The following NLRC5 variants were observed in gnomAD, a reference collection of about 807,000 sequenced individuals.
The protein encoded by NLRC5 is NLR family CARD domain containing 5.
Under a neutral mutation model 206.9 loss-of-function variants are expected in NLRC5, and 114 were observed. The observed-to-expected ratio is 0.55, with a 90% confidence interval of 0.47 to 0.64. NLRC5 has a LOEUF of 0.64. NLRC5 is among the 30% of genes least tolerant of loss of function. NLRC5 has a pLI of 0.00. For synonymous variants in NLRC5, 952 were observed against 962.8 expected (o/e 0.99, Z 0.21); for missense variants, 2,008 against 2,305.5 (o/e 0.87, Z 2.64).
intron 1 of NLRC5, among the ~76,000 whole-genome samples, chr16:57,006,842 T>C (rs2058964729): frequency 6.6e-6 from 1 of 151,488 alleles, no homozygotes; most frequent in East Asian, 1.9e-4. Context: ...AATATTCATG[T>C]ATTTGTATAC....
At chr16:57,051,675 C>G (rs371576119) in intron 24 of NLRC5, 54 bp downstream of exon 24, 1 of 1,441,816 alleles carries the variant, frequency 6.9e-7, no homozygotes, top group Middle Eastern at 1.7e-4. Flanking sequence ...GTTTCTAAGG[C>G]TCCTCCATGG....
At chr16:56,996,093 T>G (rs1235791372) in intron 1 of NLRC5, among the ~76,000 whole-genome samples, 1 of 152,210 alleles carries the variant, frequency 6.6e-6, no homozygotes, top group East Asian at 1.9e-4. Context: ...AGGCCTCCGG[T>G]CAGAGCCCTG....
rs552994811 is a variant in NLRC5 at position 57,051,096 on chromosome 16, TG to T, written c.3423-441del. On this transcript the variant is annotated intron_variant, in intron 23 of 48. Coordinates refer to ENST00000688547, the MANE Select transcript of NLRC5 (RefSeq NM_001384950.1). ...CTGGTCCCAGACTCCTGACCTCAGATGATCCACCCACCTCAGCCTCCCAAAG... is the reference window on the plus strand; with the variant it reads ...CTGGTCCCAGACTCCTGACCTCAGATATCCACCCACCTCAGCCTCCCAAAG... Among the ~76,000 whole-genome samples the T allele has an allele frequency of 3.9e-4, 59 of 152,286 alleles. No homozygotes were observed. In the East Asian group the frequency reaches 0.011, roughly 27 times the overall value.
Position 57,025,960 on chromosome 16 carries a change from C to T in NLRC5, c.1017C>T (p.Gly339=). 1.9e-6 allele frequency: 3 copies of T among 1,614,128 alleles called. No individual in the cohort carries two copies. The highest frequency in any genetic ancestry group is 2.5e-6 in the Non-Finnish European group (3 of 1,180,038). The stretch of plus-strand genomic sequence containing the variant: ...TCTGCAATGGGACCCTCCTGCCTGG[C>T]TGCCGGGTGATGGCTACCTCCCGTC... ...SHLCNGTLLP[G]CRVMATSRPG... is the part of the protein sequence containing the mutation. Residue 339 remains glycine (G), a synonymous_variant, in exon 6 of 49, where the codon GGC becomes GGT. Coordinates refer to ENST00000688547, the MANE Select transcript of NLRC5 (RefSeq NM_001384950.1).
At chr16:56,998,040 A>G (rs2057826412) in intron 1 of NLRC5, among the ~76,000 whole-genome samples, 1 of 152,128 alleles carries the variant, frequency 6.6e-6, no homozygotes, top group African/African-American at 2.4e-5. Flanking sequence ...ACCCAAAACC[A>G]AGGCTCTAGC....
chr16:57,026,368 C>T lies in NLRC5; in HGVS notation c.1425C>T (p.Phe475=). The change falls in exon 6 of 49, where the codon TTC becomes TTT. Residue 475 remains phenylalanine, a synonymous_variant. Coordinates refer to ENST00000688547, the MANE Select transcript of NLRC5 (RefSeq NM_001384950.1). ...GCCTGGAGACAGGGAAGGTTATCTT[C>T]TATGCAAAAGATATTGCTCCACCCT... ...LRGLETGKVI[F]YAKDIAPPLI... is the part of the protein sequence containing the mutation. 2 of 1,614,006 alleles carry T rather than the reference C, an allele frequency of 1.2e-6. No individual in the cohort carries two copies. Among genetic ancestry groups the T allele is most frequent in the East Asian group, 2.2e-5 (1 of 44,886 alleles).
chr16:56,993,028 A>G (rs958591026), intron 1 of NLRC5, among the ~76,000 whole-genome samples: 2 of 145,162 alleles, frequency 1.4e-5, no homozygotes, highest in African/African-American at 2.5e-5. Flanking sequence ...AAGACAACCA[A>G]TGTTATCAGG....
At chr16:57,010,256 T>C (rs1012598741) in intron 1 of NLRC5, among the ~76,000 whole-genome samples, 2 of 152,244 alleles carry the variant, frequency 1.3e-5, no homozygotes, top group African/African-American at 2.4e-5. Context: ...TTCGCTATAT[T>C]GTCTGTTCAA....
chr16:57,008,440 G>A (rs562074756), intron 1 of NLRC5, among the ~76,000 whole-genome samples: 1 of 152,064 alleles, frequency 6.6e-6, no homozygotes, highest in South Asian at 2.1e-4. Flanking sequence ...ACTTTATTTT[G>A]ATATAATTGT....
chr16:57,049,783 A>G (rs2064601737), intron 23 of NLRC5, among the ~76,000 whole-genome samples: 1 of 152,042 alleles, frequency 6.6e-6, no homozygotes, highest in Non-Finnish European at 1.5e-5. Flanking sequence ...GCCCACTGGC[A>G]GCACTGGGCG....
At chr16:56,994,463 A>C (rs1280539371) in intron 1 of NLRC5, among the ~76,000 whole-genome samples, 1 of 152,206 alleles carries the variant, frequency 6.6e-6, no homozygotes, top group Non-Finnish European at 1.5e-5. Context: ...ACAGCCGGGA[A>C]CACAACCAAC....
chr16:57,081,487 C>T (rs370295202), intron 47 of NLRC5, 40 bp from the exon 48 acceptor site: 79 of 1,581,748 alleles, frequency 5.0e-5, no homozygotes, highest in African/African-American at 4.4e-4. Context: ...TTCTCATGGC[C>T]GTGTTTCTCT....
At chr16:57,039,555 C>CTTT (rs11408235) in intron 15 of NLRC5, among the ~76,000 whole-genome samples, 1 of 149,468 alleles carries the variant, frequency 6.7e-6, no homozygotes. Flanking sequence ...TCTCTACATA[C>CTTT]TTTTTTTTTT....
chr16:57,013,866 A>C, intron 1 of NLRC5: 1 of 646,484 alleles, frequency 1.5e-6, no homozygotes, highest in Non-Finnish European at 2.9e-6. Flanking sequence ...AAAAATGGCA[A>C]GCCACACTAT....
intron 1 of NLRC5, among the ~76,000 whole-genome samples, chr16:56,994,539 C>T (rs8059431): frequency 0.056 from 8,506 of 152,194 alleles, 321 homozygotes; most frequent in South Asian, 0.17. Flanking sequence ...ATGTGCATGT[C>T]ATATGAGGTC....
chr16:57,011,871 A>G (rs77339358), intron 1 of NLRC5, among the ~76,000 whole-genome samples: 1 of 152,208 alleles, frequency 6.6e-6, no homozygotes, highest in Non-Finnish European at 1.5e-5. Flanking sequence ...GTTAATTTCT[A>G]CTGCATTATT....
At chr16:57,068,416 G>A (rs1283441071) in intron 36 of NLRC5, among the ~76,000 whole-genome samples, 2 of 148,938 alleles carry the variant, frequency 1.3e-5, no homozygotes, top group East Asian at 2.0e-4. Context: ...AGGTGACAGA[G>A]CGAGGCTCGG....
chr16:57,024,249 A>G (rs1038782322), intron 5 of NLRC5, among the ~76,000 whole-genome samples: 9 of 152,164 alleles, frequency 5.9e-5, no homozygotes, highest in African/African-American at 2.2e-4. Context: ...AGAAACCTTC[A>G]AGACAGAGGC....
At chr16:57,010,965 T>A (rs1256468452) in intron 1 of NLRC5, among the ~76,000 whole-genome samples, 1 of 151,932 alleles carries the variant, frequency 6.6e-6, no homozygotes, top group African/African-American at 2.4e-5. Flanking sequence ...CTAAAAAGGG[T>A]CCACAGTGGG....
Sources: gnomAD v4.1 joint callset for allele counts (sites outside exome capture counted in the v4.1 genomes callset) on GRCh38, gnomAD v4.1.1 for gene constraint, MANE v1.5 for transcripts, NCBI Gene and HGNC (gene_info 2026-07-23, HGNC 2026-07-21) for gene names.